Variants in STRA6 observed in about 807,000 individuals in gnomAD.
The protein encoded by STRA6 is signaling receptor and transporter of retinol STRA6.
A neutral mutation model predicts 83.6 loss-of-function variants in STRA6; 48 were observed. The ratio of observed to expected loss-of-function variants is 0.57; its 90% CI spans 0.46 to 0.73. The LOEUF is 0.73. STRA6 is among the 30% of genes least tolerant of loss of function. The pLI is 0.00. For missense variants in STRA6, 760 were observed against 838.8 expected (o/e 0.91, Z 1.16); for synonymous variants, 353 against 362.3 (o/e 0.97, Z 0.29).
chr15:74,183,935 A>T lies in STRA6; in HGVS notation c.1221T>A (p.His407Gln). Residue 407 changes from histidine to glutamine, a missense_variant, in exon 14 of 19, where the codon CAT becomes CAA. Coordinates refer to ENST00000395105, the MANE Select transcript of STRA6 (RefSeq NM_022369.4). ...CTTGGCGGGAGGGATGGGGACTCCG[A>T]TGCAAGGGACTCAAGTCCAGGGCAG... ...RGAALDLSPL[H>Q]RSPHPSRQAI... 6.2e-7 allele frequency: 1 copy of T among 1,613,924 alleles called. No homozygotes were observed. The highest frequency in any genetic ancestry group is 8.5e-7 in the Non-Finnish European group (1 of 1,180,042).
chr15:74,194,337 C>A (rs140037908), intron 7 of STRA6: 1 of 1,109,070 alleles, frequency 9.0e-7, no homozygotes, highest in African/African-American at 1.6e-5. Context: ...CCCTACTCCT[C>A]AGGGCTGAGG....
intron 1 of STRA6, chr15:74,208,769 A>G (rs1595870976): frequency 1.0e-6 from 1 of 987,916 alleles, no homozygotes; most frequent in Non-Finnish European, 1.2e-6. Flanking sequence ...TTCCAATCCC[A>G]CCTGGCCTCC....
At chr15:74,195,765 C>T in intron 5 of STRA6, 90 bp from the exon 6 acceptor site, 1 of 890,720 alleles carries the variant, frequency 1.1e-6, no homozygotes, top group Non-Finnish European at 1.8e-6. Flanking sequence ...AGCAAATACT[C>T]AATTTAAGAT....
intron 2 of STRA6, among the ~76,000 whole-genome samples, chr15:74,199,420 T>A (rs1455614878): frequency 1.7e-5 from 2 of 114,976 alleles, no homozygotes; most frequent in East Asian, 4.2e-4. Context: ...CTGACTCCAG[T>A]GTCAGCTCCC....
intron 1 of STRA6, chr15:74,208,762 C>T: frequency 1.0e-6 from 1 of 988,896 alleles, no homozygotes; most frequent in Non-Finnish European, 1.2e-6. Flanking sequence ...CGACCTGTTC[C>T]AATCCCACCT....
At position 74,208,098 on chromosome 15, in the gene STRA6, G is replaced by A. The variant is rs1351579154; in HGVS notation, c.-16+702C>T. The A allele has an allele frequency of 1.7e-5, 20 of 1,170,510 alleles. No individual in the cohort carries two copies. The Admixed American group carries it at 7.3e-4, about 43-fold the overall frequency. 72.5% of individuals were successfully genotyped at this position (1,170,510 alleles called of 1,614,324 possible). Reference sequence around the variant, plus strand: ...TGTTCTGGTATGAGGGTGGACACTGGTGAGGAGGAGGAGGGTAGCCGGCTG... The same window carrying A: ...TGTTCTGGTATGAGGGTGGACACTGATGAGGAGGAGGAGGGTAGCCGGCTG... On this transcript the variant is annotated intron_variant, in intron 1 of 18. Coordinates refer to the STRA6 transcript ENST00000323940.
At chr15:74,209,272 C>A (rs889892518), upstream of STRA6, 12 of 1,257,064 alleles carry the variant, frequency 9.5e-6, no homozygotes, top group African/African-American at 1.5e-5. Context: ...CCCTCAGAGT[C>A]ACCTCAGTGG....
upstream of STRA6, among the ~76,000 whole-genome samples, chr15:74,206,923 G>T (rs999445285): frequency 6.6e-6 from 1 of 152,216 alleles, no homozygotes; most frequent in South Asian, 2.1e-4. Context: ...TCCCAACTGG[G>T]CACAGATTGG....
chr15:74,209,416 G>A, upstream of STRA6: 1 of 1,535,636 alleles, frequency 6.5e-7, no homozygotes, highest in Non-Finnish European at 8.7e-7. Context: ...ATTGCCAGAG[G>A]GGAACCACCA....
At chr15:74,185,493 G>A (rs534878201) in intron 12 of STRA6, among the ~76,000 whole-genome samples, 1 of 152,202 alleles carries the variant, frequency 6.6e-6, no homozygotes, top group African/African-American at 2.4e-5. Context: ...GAGCCATAAG[G>A]CCCCATCCAC....
At chr15:74,211,389 C>G (rs1342016860), upstream of STRA6, among the ~76,000 whole-genome samples, 1 of 146,846 alleles carries the variant, frequency 6.8e-6, no homozygotes, top group East Asian at 2.0e-4. Flanking sequence ...ATATCTGCCC[C>G]TGGCTTTTTT....
intron 3 of STRA6, 92 bp downstream of exon 3, chr15:74,197,660 G>GC: frequency 1.3e-6 from 2 of 1,512,478 alleles, no homozygotes; most frequent in Non-Finnish European, 9.0e-7. Context: ...ATCTTCCAGG[G>GC]CCCCCCTTCA....
intron 7 of STRA6, chr15:74,194,897 C>A: frequency 7.2e-7 from 1 of 1,396,780 alleles, no homozygotes; most frequent in Non-Finnish European, 9.2e-7. Flanking sequence ...ATTCTCCTCT[C>A]AGCCCTCTTA....
rs2072894442 is a variant in STRA6 at position 74,180,023 on chromosome 15, T to C, written c.*57A>G. ...GAGGAGAGCCGGGGAGGGAGGAGGA[T>C]GGTAGGCAGGAACATGCCTCAGCAC... On this transcript the variant is annotated 3_prime_UTR_variant, in exon 19 of 19. Transcript: ENST00000395105. 1 of 1,587,558 alleles carries C rather than the reference T, an allele frequency of 6.3e-7. No homozygotes were observed.
upstream of STRA6, among the ~76,000 whole-genome samples, chr15:74,207,033 G>T (rs894424431): frequency 2.0e-5 from 3 of 152,264 alleles, no homozygotes; most frequent in Non-Finnish European, 2.9e-5. Context: ...GCACAGAGCT[G>T]CTATGCCCCT....
chr15:74,210,075 C>T (rs977254688), upstream of STRA6, among the ~76,000 whole-genome samples: 2 of 152,106 alleles, frequency 1.3e-5, no homozygotes, highest in Non-Finnish European at 2.9e-5. Flanking sequence ...CAGCTCAAGC[C>T]GAGAAAGGGA....
intron 7 of STRA6, chr15:74,194,425 G>A (rs2073711451): frequency 2.9e-6 from 3 of 1,041,518 alleles, no homozygotes; most frequent in Admixed American, 9.8e-5. Flanking sequence ...AGCTTAGTAT[G>A]TGCCAGGTTC....
At chr15:74,192,654 C>T (rs1009989048) in intron 8 of STRA6, among the ~76,000 whole-genome samples, 9 of 152,200 alleles carry the variant, frequency 5.9e-5, no homozygotes, top group African/African-American at 1.9e-4. Flanking sequence ...CAGCTGGCAC[C>T]ACCACCTACC....
At chr15:74,205,362 G>A (rs113761445), upstream of STRA6, among the ~76,000 whole-genome samples, 1,747 of 152,298 alleles carry the variant, frequency 0.011, 19 homozygotes, top group Non-Finnish European at 0.018. Context: ...TCTGGGGAGG[G>A]CCTCAGGAAA....
Sources: allele counts gnomAD v4.1 joint callset (sites outside exome capture counted in the v4.1 genomes callset), GRCh38; gene constraint gnomAD v4.1.1; transcripts MANE v1.5; gene names NCBI Gene and HGNC (gene_info 2026-07-23, HGNC 2026-07-21).